Variants in FRAS1 observed in about 807,000 individuals in gnomAD.
FRAS1 encodes Fraser extracellular matrix complex subunit 1.
A neutral mutation model predicts 435.2 loss-of-function variants in FRAS1; 290 were observed. The ratio of observed to expected loss-of-function variants is 0.67; its 90% CI spans 0.61 to 0.73. FRAS1 has a LOEUF of 0.73. Among genes scored for constraint, FRAS1 ranks in the 30% least tolerant of loss-of-function variants. The pLI, the probability that FRAS1 is intolerant of heterozygous loss-of-function variation, is 0.00. For missense variants in FRAS1, 4,860 were observed against 5,001.5 expected, an observed-to-expected ratio of 0.97 and a Z score of 0.85; for synonymous variants, 1,800 against 1,851.0, an observed-to-expected ratio of 0.97 and a Z score of 0.71.
chr4:78,307,704 C>G (rs1485636404), intron 14 of FRAS1, among the ~76,000 whole-genome samples: 2 of 152,242 alleles, frequency 1.3e-5, no homozygotes, highest in Admixed American at 6.5e-5. Flanking sequence ...ATGCCTCGCC[C>G]TGCTTCGGCT....
intron 18 of FRAS1, chr4:78,319,369 T>C (rs1729407580): frequency 2.2e-6 from 1 of 459,242 alleles, no homozygotes; most frequent in Non-Finnish European, 4.4e-6. Flanking sequence ...GGGCAAAATC[T>C]GGACTTCTGT....
chr4:78,448,709 T>G (rs1718931735), intron 44 of FRAS1, among the ~76,000 whole-genome samples: 1 of 152,198 alleles, frequency 6.6e-6, no homozygotes, highest in Non-Finnish European at 1.5e-5. Context: ...ACGCTTATTT[T>G]TTTACAAAAT....
intron 47 of FRAS1, among the ~76,000 whole-genome samples, chr4:78,457,254 G>A (rs1359413924): frequency 3.9e-5 from 6 of 152,152 alleles, no homozygotes; most frequent in African/African-American, 1.2e-4. Flanking sequence ...ACCAGAGCCC[G>A]AAATAAACTT....
chr4:78,411,108 A>ATTTTTTTTTTTTTTTTTTT lies in FRAS1; in HGVS notation c.4309-1853_4309-1852insTTTTTTTTTTTTTTTTTTT. On this transcript the variant is annotated intron_variant, in intron 31 of 73. Transcript: ENST00000512123. ...AAATGCAGTATAATGAGTTGCATGG[A>ATTTTTTTTTTTTTTTTTTT]TTTTTTTTCTTTTTTTTTCTGAGAC... 1.4e-5 allele frequency among the ~76,000 whole-genome samples: 2 copies of ATTTTTTTTTTTTTTTTTTT among 142,858 alleles called. 1 individual carries two copies. The highest frequency in any genetic ancestry group is 5.2e-5 in the African/African-American group (2 of 38,386). 93.7% of individuals were successfully genotyped at this position (142,858 alleles called of 152,430 possible). A position where few individuals can be genotyped will look rare whatever the true frequency, so the allele number is the denominator to read the frequency against.
intron 19 of FRAS1, among the ~76,000 whole-genome samples, chr4:78,334,964 G>C (rs1335316400): frequency 6.6e-6 from 1 of 151,904 alleles, no homozygotes; most frequent in Non-Finnish European, 1.5e-5. Flanking sequence ...GTCTCACCTT[G>C]TTATCAGGCT....
At chr4:78,409,109 AC>A (rs1414614535) in intron 31 of FRAS1, among the ~76,000 whole-genome samples, 1 of 125,564 alleles carries the variant, frequency 8.0e-6, no homozygotes, top group East Asian at 2.2e-4. Flanking sequence ...ACAGAGCGAG[AC>A]CCTCTCTCAA....
At position 78,450,411 on chromosome 4, in the gene FRAS1, T is replaced by A; in HGVS notation, c.6463+72T>A. 2.4e-6 allele frequency: 3 copies of A among 1,232,066 alleles called. No individual in the cohort carries two copies. The South Asian group carries it at 3.6e-5, about 15-fold the overall frequency. The allele number at this position is 1,232,066 out of a possible 1,614,324, so 76.3% of individuals were successfully genotyped here. A position where few individuals can be genotyped will look rare whatever the true frequency, so the allele number is the denominator to read the frequency against. On this transcript the variant is annotated intron_variant, in intron 45 of 73. Coordinates refer to ENST00000512123, the MANE Select transcript of FRAS1 (RefSeq NM_025074.7). ...ACACTAGTAAAATGAGAATTAAATA[T>A]CTGGTAGTCTATGGCAATAAACTGT...
chr4:78,346,748 A>G (rs1185754786), intron 20 of FRAS1, among the ~76,000 whole-genome samples: 2 of 151,864 alleles, frequency 1.3e-5, no homozygotes, highest in Non-Finnish European at 2.9e-5. Context: ...TTTCTCTTCT[A>G]TTACCTCTTT....
At chr4:78,103,600 A>G (rs1742241013) in intron 2 of FRAS1, among the ~76,000 whole-genome samples, 1 of 152,184 alleles carries the variant, frequency 6.6e-6, no homozygotes, top group African/African-American at 2.4e-5. Context: ...ACGGTTTTAG[A>G]AAACAGGGTC....
intron 2 of FRAS1, among the ~76,000 whole-genome samples, chr4:78,232,923 A>T (rs188108024): frequency 5.9e-5 from 9 of 152,348 alleles, no homozygotes; most frequent in Admixed American, 5.2e-4. Flanking sequence ...AGATAGGTAA[A>T]CATATCAGGA....
At chr4:78,347,785 GTGT>G (rs1226946909) in intron 20 of FRAS1, among the ~76,000 whole-genome samples, 2,890 of 100,090 alleles carry the variant, frequency 0.029, 79 homozygotes, top group African/African-American at 0.1. Context: ...GTGTGTGTGT[GTGT>G]TTTTTTTTTT....
intron 41 of FRAS1, chr4:78,444,184 A>G (rs768291595): frequency 2.2e-6 from 1 of 455,866 alleles, no homozygotes; most frequent in South Asian, 1.6e-5. Context: ...ACTCAAATAA[A>G]GAAGCCACAT....
rs190235135 is a variant in FRAS1 at position 78,491,199 on chromosome 4, C to T, written c.8958+2119C>T. On this transcript the variant is annotated intron_variant, in intron 59 of 73. Coordinates refer to ENST00000512123, the MANE Select transcript of FRAS1 (RefSeq NM_025074.7). ...CAACCAAAAAAAGCCCAGGACCAGA[C>T]GGATTCACAGCCGAATTCTACCAGA... Among the ~76,000 whole-genome samples, 342 of 152,198 alleles carry T rather than the reference C, an allele frequency of 2.2e-3. 1 individual carries two copies. Among genetic ancestry groups the T allele is most frequent in the African/African-American group, 7.8e-3 (325 of 41,510 alleles).
At position 78,481,826 on chromosome 4, in the gene FRAS1, C is replaced by A. The variant is rs981220354; in HGVS notation, c.8466C>A (p.Ile2822=). 1.2e-6 allele frequency: 2 copies of A among 1,613,884 alleles called. No individual in the cohort carries two copies. The highest frequency in any genetic ancestry group is 1.3e-5 in the African/African-American group (1 of 75,050). ...EDAGTVKIPV[I]RHGTDLSTFA... ...CAGGCACAGTAAAGATTCCAGTTAT[C>A]CGCCATGGTACTGACCTCTCTACTT... is the stretch of plus-strand genomic sequence containing the variant. Residue 2822 remains isoleucine (I), a synonymous_variant, in exon 57 of 74, where the codon ATC becomes ATA. Transcript: ENST00000512123.
chr4:78,303,797 G>T (rs1371647028), intron 14 of FRAS1, among the ~76,000 whole-genome samples: 1 of 151,376 alleles, frequency 6.6e-6, no homozygotes, highest in Non-Finnish European at 1.5e-5. Flanking sequence ...CATGTCATCT[G>T]CAAACAGGTA....
At chr4:78,274,844 G>C (rs1726911822) in intron 9 of FRAS1, among the ~76,000 whole-genome samples, 1 of 152,180 alleles carries the variant, frequency 6.6e-6, no homozygotes, top group African/African-American at 2.4e-5. Context: ...TTGGTGCAGA[G>C]CTGAGTTCAA....
chr4:78,531,560 AT>A (rs1175922250), intron 70 of FRAS1, among the ~76,000 whole-genome samples: 3 of 152,130 alleles, frequency 2.0e-5, no homozygotes, highest in Non-Finnish European at 4.4e-5. Flanking sequence ...GGGCTGTTGT[AT>A]TTTATCGTAG....
chr4:78,199,926 G>A (rs1430355390), intron 2 of FRAS1, among the ~76,000 whole-genome samples: 2 of 152,212 alleles, frequency 1.3e-5, no homozygotes, highest in Non-Finnish European at 2.9e-5. Context: ...CATAAAAGTA[G>A]TGGGGAAATA....
chr4:78,482,290 C>A, intron 57 of FRAS1, 98 bp from the exon 58 acceptor site: 1 of 1,374,020 alleles, frequency 7.3e-7, no homozygotes, highest in Non-Finnish European at 1.0e-6. Context: ...TACTTTAAAA[C>A]CACCAAAGAC....
Sources: gnomAD v4.1 joint callset for allele counts (sites outside exome capture counted in the v4.1 genomes callset) on GRCh38, gnomAD v4.1.1 for gene constraint, MANE v1.5 for transcripts, NCBI Gene and HGNC (gene_info 2026-07-23, HGNC 2026-07-21) for gene names.